LINGO1: variants seen among roughly 807,000 people sequenced by gnomAD.
LINGO1 encodes leucine-rich repeat and immunoglobulin-like domain-containing nogo receptor-interacting protein 1.
LINGO1 carries 11 observed loss-of-function variants against 37.3 expected under a neutral mutation model. That is an observed-to-expected ratio of 0.29 (90% confidence interval 0.19 to 0.49). LINGO1 has a LOEUF of 0.49. Ranked by LOEUF, LINGO1 falls within the 20% of genes least tolerant of loss-of-function variation. The pLI, the probability that LINGO1 is intolerant of heterozygous loss-of-function variation, is 0.99. For missense variants in LINGO1, 585 were observed against 878.2 expected (o/e 0.67, Z 4.22); for synonymous variants, 387 against 403.0 (o/e 0.96, Z 0.48).
intron 1 of LINGO1, among the ~76,000 whole-genome samples, chr15:77,780,522 T>C (rs2076705672): frequency 6.6e-6 from 1 of 152,074 alleles, no homozygotes; most frequent in African/African-American, 2.4e-5. Context: ...TTGCGGAACA[T>C]TAAACCAAAT....
chr15:77,810,086 C>T (rs925435699), intron 1 of LINGO1, among the ~76,000 whole-genome samples: 7 of 152,040 alleles, frequency 4.6e-5, no homozygotes, highest in Admixed American at 3.3e-4. Context: ...GGGCACTCCT[C>T]CTTGCTGTGG....
At chr15:77,756,672 T>C (rs913708834) in intron 1 of LINGO1, among the ~76,000 whole-genome samples, 1 of 152,212 alleles carries the variant, frequency 6.6e-6, no homozygotes, top group African/African-American at 2.4e-5. Flanking sequence ...TGGCTTTCAA[T>C]TACTTCTGCA....
intron 1 of LINGO1, among the ~76,000 whole-genome samples, chr15:77,774,738 G>A (rs2076620447): frequency 6.6e-6 from 1 of 152,174 alleles, no homozygotes; most frequent in Non-Finnish European, 1.5e-5. Context: ...GCAGCAGAAG[G>A]AGATGAAAAG....
intron 1 of LINGO1, among the ~76,000 whole-genome samples, chr15:77,631,513 G>A (rs879479534): frequency 2.0e-5 from 3 of 152,176 alleles, no homozygotes; most frequent in Admixed American, 1.3e-4. Flanking sequence ...GGATCCGCCC[G>A]GAGGGTCACA....
At chr15:77,780,210 G>A (rs1422189461) in intron 1 of LINGO1, among the ~76,000 whole-genome samples, 4 of 152,188 alleles carry the variant, frequency 2.6e-5, no homozygotes, top group Admixed American at 6.5e-5. Context: ...AGGCCAGTGG[G>A]CTGGGCAGGA....
At chr15:77,776,325 C>A (rs972895585) in intron 1 of LINGO1, among the ~76,000 whole-genome samples, 1 of 152,144 alleles carries the variant, frequency 6.6e-6, no homozygotes, top group Non-Finnish European at 1.5e-5. Context: ...ACCCTCCCTG[C>A]CATGCCCAGG....
chr15:77,792,901 T>C (rs1274704298), intron 2 of LINGO1, among the ~76,000 whole-genome samples: 1 of 152,120 alleles, frequency 6.6e-6, no homozygotes, highest in Non-Finnish European at 1.5e-5. Flanking sequence ...CCCACACCCA[T>C]AGGTGATCCC....
At chr15:77,716,698 C>T (rs984662528) in intron 2 of LINGO1, among the ~76,000 whole-genome samples, 23 of 150,288 alleles carry the variant, frequency 1.5e-4, no homozygotes, top group African/African-American at 5.3e-4. Flanking sequence ...GGGCAGGGAG[C>T]GAATGGTGGA....
upstream of LINGO1, among the ~76,000 whole-genome samples, chr15:77,633,865 G>A (rs1173996583): frequency 6.6e-6 from 1 of 152,152 alleles, no homozygotes; most frequent in Non-Finnish European, 1.5e-5. Context: ...TGCAGAGTAG[G>A]TTACCACCCT....
intron 2 of LINGO1, among the ~76,000 whole-genome samples, chr15:77,715,424 C>A (rs1008775814): frequency 6.6e-6 from 1 of 152,124 alleles, no homozygotes; most frequent in African/African-American, 2.4e-5. Context: ...TAGTGAGCTC[C>A]CTATCACCAG....
At chr15:77,645,641 C>A (rs954770021) in intron 3 of LINGO1, among the ~76,000 whole-genome samples, 2 of 152,228 alleles carry the variant, frequency 1.3e-5, no homozygotes, top group African/African-American at 4.8e-5. Context: ...AGGGCTGCTG[C>A]CTCCGTGGGC....
chr15:77,756,185 C>T (rs2076416966), intron 1 of LINGO1, among the ~76,000 whole-genome samples: 1 of 152,190 alleles, frequency 6.6e-6, no homozygotes, highest in African/African-American at 2.4e-5. Flanking sequence ...CCACTTTCTT[C>T]ACTGCAGGGT....
chr15:77,714,124 T>TC (rs2075954674), intron 2 of LINGO1, among the ~76,000 whole-genome samples: 1 of 152,118 alleles, frequency 6.6e-6, no homozygotes, highest in African/African-American at 2.4e-5. Flanking sequence ...GAACTCCTGA[T>TC]CCTCCACTGC....
intron 1 of LINGO1, among the ~76,000 whole-genome samples, chr15:77,739,844 G>A (rs1161950177): frequency 1.3e-5 from 2 of 152,258 alleles, no homozygotes; most frequent in African/African-American, 4.8e-5. Flanking sequence ...GAACAGAGGA[G>A]CTGCCCCTGC....
chr15:77,745,706 AC>A (rs2141356552), intron 1 of LINGO1, among the ~76,000 whole-genome samples: 1 of 152,208 alleles, frequency 6.6e-6, no homozygotes, highest in South Asian at 2.1e-4. Context: ...CTTCCTCACA[AC>A]CCTGGCAGGC....
intron 2 of LINGO1, among the ~76,000 whole-genome samples, chr15:77,712,615 C>T (rs965555282): frequency 6.6e-6 from 1 of 152,222 alleles, no homozygotes; most frequent in Admixed American, 6.5e-5. Context: ...CTCACCTCCC[C>T]ACTCTCCAAC....
At chr15:77,696,978 G>A (rs1328019677), upstream of LINGO1, among the ~76,000 whole-genome samples, 1 of 152,264 alleles carries the variant, frequency 6.6e-6, no homozygotes, top group Non-Finnish European at 1.5e-5. Flanking sequence ...ACAGGGGTCT[G>A]CGAGAGCAGG....
upstream of LINGO1, among the ~76,000 whole-genome samples, chr15:77,634,625 T>C (rs1007943046): frequency 9.2e-5 from 14 of 152,178 alleles, no homozygotes; most frequent in African/African-American, 3.4e-4. Flanking sequence ...GGGGGCAGGC[T>C]CGGCAGAAGG....
intron 1 of LINGO1, among the ~76,000 whole-genome samples, chr15:77,774,484 C>T (rs1596214776): frequency 6.6e-6 from 1 of 152,126 alleles, no homozygotes; most frequent in Non-Finnish European, 1.5e-5. Context: ...CCAACCCCGC[C>T]GGGAACCCCA....
Sources: gnomAD v4.1 joint callset for allele counts (sites outside exome capture counted in the v4.1 genomes callset) on GRCh38, gnomAD v4.1.1 for gene constraint, MANE v1.5 for transcripts, NCBI Gene and HGNC (gene_info 2026-07-23, HGNC 2026-07-21) for gene names.